Variants in TRPM3 observed in about 807,000 individuals in gnomAD.
TRPM3 encodes long transient receptor potential channel 3.
Under a neutral mutation model 181.2 loss-of-function variants are expected in TRPM3, and 77 were observed. That is an observed-to-expected ratio of 0.42 (90% CI 0.35 to 0.51). The LOEUF (loss-of-function observed/expected upper bound fraction) is 0.51. Among genes scored for constraint, TRPM3 ranks in the 20% least tolerant of loss-of-function variants. TRPM3 has a pLI of 0.01. For synonymous variants in TRPM3, 745 were observed against 796.4 expected (o/e 0.94, Z 1.09); for missense variants, 1,759 against 2,196.7 (o/e 0.80, Z 3.98).
chr9:70,819,002 C>T (rs2092934273), intron 6 of TRPM3, among the ~76,000 whole-genome samples: 1 of 152,186 alleles, frequency 6.6e-6, no homozygotes, highest in Non-Finnish European at 1.5e-5. Flanking sequence ...ATTTCCTCTA[C>T]ATATGTCTTT....
intron 7 of TRPM3, among the ~76,000 whole-genome samples, chr9:70,769,263 A>C (rs1290893087): frequency 6.6e-6 from 1 of 152,092 alleles, no homozygotes; most frequent in Non-Finnish European, 1.5e-5. Context: ...ATAAATACTG[A>C]ATCTCCCAAG....
intron 1 of TRPM3, among the ~76,000 whole-genome samples, chr9:71,060,238 GAAA>G (rs1427901374): frequency 1.3e-5 from 2 of 152,056 alleles, no homozygotes; most frequent in Non-Finnish European, 2.9e-5. Flanking sequence ...TTCTGTGGAA[GAAA>G]GTTAGAAAAG....
At chr9:70,739,521 A>G (rs551101332) in intron 8 of TRPM3, among the ~76,000 whole-genome samples, 1 of 152,268 alleles carries the variant, frequency 6.6e-6, no homozygotes, top group Admixed American at 6.5e-5. Context: ...CAGCCAACAT[A>G]ATACTGAATG....
intron 1 of TRPM3, among the ~76,000 whole-genome samples, chr9:71,143,425 T>A (rs938030593): frequency 1.3e-5 from 2 of 152,090 alleles, no homozygotes; most frequent in African/African-American, 4.8e-5. Context: ...CACTTACAAG[T>A]GGGAATATGT....
intron 6 of TRPM3, among the ~76,000 whole-genome samples, chr9:70,795,204 G>GT (rs1159514866): frequency 6.6e-6 from 1 of 152,162 alleles, no homozygotes; most frequent in Non-Finnish European, 1.5e-5. Context: ...ACATTGAGGG[G>GT]TGTTTGCATA....
chr9:70,825,109 C>T (rs1328942275), intron 6 of TRPM3: 2 of 152,150 alleles, frequency 1.3e-5, no homozygotes, highest in Non-Finnish European at 2.9e-5. Context: ...CCCATTATCT[C>T]AGTTTGCCCA....
intron 1 of TRPM3, among the ~76,000 whole-genome samples, chr9:71,221,066 C>A (rs1588019390): frequency 6.6e-6 from 1 of 152,152 alleles, no homozygotes; most frequent in East Asian, 1.9e-4. Context: ...ATGACTCATG[C>A]AGAAAGAGTA....
chr9:70,747,789 G>T (rs2075438079), intron 8 of TRPM3, among the ~76,000 whole-genome samples: 1 of 152,018 alleles, frequency 6.6e-6, no homozygotes, highest in Admixed American at 6.6e-5. Flanking sequence ...TGTGTAGGAT[G>T]CATTGTTAGG....
chr9:70,866,974 C>T (rs983341190), intron 1 of TRPM3, among the ~76,000 whole-genome samples: 6 of 152,002 alleles, frequency 3.9e-5, no homozygotes, highest in Non-Finnish European at 7.4e-5. Context: ...GCCATTAAAA[C>T]ATTAGATGTT....
intron 1 of TRPM3, among the ~76,000 whole-genome samples, chr9:71,441,237 T>C (rs1266511690): frequency 2.0e-5 from 3 of 151,974 alleles, no homozygotes; most frequent in Non-Finnish European, 4.4e-5. Context: ...CTTTTTTTTT[T>C]CACACACAAA....
At chr9:71,105,421 A>C (rs1045626764) in intron 1 of TRPM3, among the ~76,000 whole-genome samples, 3 of 152,150 alleles carry the variant, frequency 2.0e-5, no homozygotes, top group Non-Finnish European at 4.4e-5. Flanking sequence ...GGTGGTTAGG[A>C]GGCAGAAGAC....
At chr9:71,375,799 C>A (rs1301810330) in intron 1 of TRPM3, among the ~76,000 whole-genome samples, 1 of 152,184 alleles carries the variant, frequency 6.6e-6, no homozygotes, top group Non-Finnish European at 1.5e-5. Flanking sequence ...AAAAAGATTA[C>A]AACTCACCAA....
intron 1 of TRPM3, among the ~76,000 whole-genome samples, chr9:71,243,179 T>A (rs534788772): frequency 6.6e-6 from 1 of 152,290 alleles, no homozygotes; most frequent in Admixed American, 6.5e-5. Flanking sequence ...GTAGCCAGGA[T>A]TACAGGCACC....
At chr9:71,104,851 T>C (rs1314710022) in intron 1 of TRPM3, among the ~76,000 whole-genome samples, 1 of 152,178 alleles carries the variant, frequency 6.6e-6, no homozygotes, top group Non-Finnish European at 1.5e-5. Context: ...CTGGTGAGAA[T>C]GTGTGACAAC....
At chr9:70,821,263 G>A (rs75579012) in intron 6 of TRPM3, among the ~76,000 whole-genome samples, 4,474 of 152,262 alleles carry the variant, frequency 0.029, 91 homozygotes, top group Middle Eastern at 0.058. Context: ...TAAAGGAAAT[G>A]ATACGCTGTC....
At chr9:71,041,507 T>A (rs1485595144) in intron 1 of TRPM3, among the ~76,000 whole-genome samples, 1 of 152,120 alleles carries the variant, frequency 6.6e-6, no homozygotes, top group Non-Finnish European at 1.5e-5. Context: ...TAAATATATA[T>A]GCATAAGTAT....
At chr9:71,442,779 G>A (rs2131681632) in intron 1 of TRPM3, among the ~76,000 whole-genome samples, 1 of 152,264 alleles carries the variant, frequency 6.6e-6, no homozygotes, top group East Asian at 1.9e-4. Flanking sequence ...ATGCTGTGGT[G>A]AGCAGCTGAC....
chr9:70,851,293 T>C (rs1042688525), intron 3 of TRPM3, among the ~76,000 whole-genome samples: 3 of 152,244 alleles, frequency 2.0e-5, no homozygotes, highest in African/African-American at 7.2e-5. Context: ...GGAATAGATA[T>C]GCATACATTA....
intron 1 of TRPM3, among the ~76,000 whole-genome samples, chr9:71,152,798 T>C (rs2075801094): frequency 1.3e-5 from 2 of 152,190 alleles, no homozygotes; most frequent in African/African-American, 4.8e-5. Context: ...TGATTCCCAG[T>C]TAAGCAACTT....
Sources: gnomAD v4.1 joint callset for allele counts (sites outside exome capture counted in the v4.1 genomes callset) on GRCh38, gnomAD v4.1.1 for gene constraint, MANE v1.5 for transcripts, NCBI Gene and HGNC (gene_info 2026-07-23, HGNC 2026-07-21) for gene names.